The following PLCL1 variants were observed in gnomAD, a reference collection of about 807,000 sequenced individuals.
PLCL1 encodes inactive phospholipase C-like protein 1.
Under a neutral mutation model 84.4 loss-of-function variants are expected in PLCL1, and 41 were observed. That is an observed-to-expected ratio of 0.49 (90% confidence interval 0.38 to 0.63). PLCL1 has a LOEUF of 0.63. Among genes scored for constraint, PLCL1 ranks in the 30% least tolerant of loss-of-function variants. The pLI, the probability that PLCL1 is intolerant of heterozygous loss-of-function variation, is 0.00. For synonymous variants in PLCL1, 490 were observed against 488.3 expected (o/e 1.00, Z -0.05); for missense variants, 1,206 against 1,367.8 (o/e 0.88, Z 1.87).
At chr2:198,031,027 A>G (rs1691402579) in intron 1 of PLCL1, among the ~76,000 whole-genome samples, 1 of 152,142 alleles carries the variant, frequency 6.6e-6, no homozygotes, top group Admixed American at 6.6e-5. Flanking sequence ...ACATATTTAA[A>G]CAAAATGCCA....
At chr2:197,994,583 C>T (rs1001612143) in intron 1 of PLCL1, among the ~76,000 whole-genome samples, 2 of 152,152 alleles carry the variant, frequency 1.3e-5, no homozygotes, top group Non-Finnish European at 2.9e-5. Context: ...TCATGAATTC[C>T]ATGAAATTTA....
At position 198,146,886 on chromosome 2, in the gene PLCL1, G is replaced by A; in HGVS notation, c.3212G>A (p.Ser1071Asn). The change falls in exon 6 of 6, where the codon AGT (serine) becomes AAT (asparagine). Residue 1071 changes from serine to asparagine, a missense_variant. Ser to Asn is a conservative substitution (Grantham distance 46). Transcript: ENST00000428675. The stretch of plus-strand genomic sequence containing the variant: ...GGACTGAGTAAAGCCCCCAGCAGCA[G>A]TGCTGAGGCCAAGAGCAAGCGCAGC... ...SCGLSKAPSS[S>N]AEAKSKRSLE... 1.2e-6 allele frequency: 2 copies of A among 1,613,482 alleles called. No individual in the cohort carries two copies. The highest frequency in any genetic ancestry group is 2.2e-5 in the South Asian group (2 of 91,028).
chr2:197,975,898 C>A (rs574248096), intron 1 of PLCL1, among the ~76,000 whole-genome samples: 2 of 152,156 alleles, frequency 1.3e-5, no homozygotes, highest in Non-Finnish European at 2.9e-5. Context: ...CCGCCTCTTA[C>A]GCCTCTGGTT....
At chr2:197,892,414 T>C (rs751732907) in intron 1 of PLCL1, among the ~76,000 whole-genome samples, 4 of 152,190 alleles carry the variant, frequency 2.6e-5, no homozygotes, top group Non-Finnish European at 5.9e-5. Context: ...TGTGTTTTCA[T>C]CTCAGCATGC....
intron 1 of PLCL1, among the ~76,000 whole-genome samples, chr2:197,990,019 G>C (rs954922739): frequency 7.9e-5 from 12 of 152,174 alleles, no homozygotes; most frequent in African/African-American, 2.7e-4. Context: ...AGTCTGGAAT[G>C]TTATTTAATT....
At chr2:197,983,205 T>TTTTTTTC in intron 1 of PLCL1, among the ~76,000 whole-genome samples, 1 of 11,382 alleles carries the variant, frequency 8.8e-5, no homozygotes, top group African/African-American at 5.1e-4. Flanking sequence ...CTTTTCTTTT[T>TTTTTTTC]TTTTTTTTTT....
intron 5 of PLCL1, among the ~76,000 whole-genome samples, chr2:198,107,232 A>G (rs1386822581): frequency 6.6e-6 from 1 of 151,876 alleles, no homozygotes; most frequent in Non-Finnish European, 1.5e-5. Flanking sequence ...GAACTCACTC[A>G]CTATTATGAA....
Position 198,085,030 on chromosome 2 carries a change from C to A in PLCL1, c.1513C>A (p.Gln505Lys). ...CSLPQQKVMA[Q>K]QMKKVFGNKL... ...CTTGCCGCAGCAGAAGGTAATGGCT[C>A]AACAGATGAAAAAGGTCTTTGGCAA... The change falls in exon 2 of 6, where the codon CAA becomes AAA. Residue 505 changes from glutamine (Q) to lysine (K), a missense_variant. Gln to Lys is a moderately conservative substitution (Grantham distance 53, BLOSUM62 1). Coordinates refer to ENST00000428675, the MANE Select transcript of PLCL1 (RefSeq NM_006226.4). The surrounding 1 kb of genome is among the most constrained non-coding windows in gnomAD (Gnocchi z 5.3). 6.2e-7 allele frequency: 1 copy of A among 1,613,922 alleles called. No individual in the cohort carries two copies. Among genetic ancestry groups the A allele is most frequent in the Non-Finnish European group, 8.5e-7 (1 of 1,179,944 alleles).
chr2:197,954,803 C>A (rs140640700), intron 1 of PLCL1, among the ~76,000 whole-genome samples: 2 of 151,910 alleles, frequency 1.3e-5, no homozygotes, highest in Non-Finnish European at 2.9e-5. Flanking sequence ...TAGGAAAGAA[C>A]CTCTGACAGA....
At position 198,148,035 on chromosome 2, in the gene PLCL1, A is replaced by G. The variant is rs919911865; in HGVS notation, c.*1073A>G. 6.6e-6 allele frequency: 1 copy of G among 152,332 alleles called. No homozygotes were observed. The highest frequency in any genetic ancestry group is 2.4e-5 in the African/African-American group (1 of 41,464). The allele number at this position is 152,332 out of a possible 1,614,324, so 9.4% of individuals were successfully genotyped here. ...ACCAGTTACCACACATCTATGATATAACCCTAACACACACAGAAAAGCATA... is the reference window on the plus strand; with the variant it reads ...ACCAGTTACCACACATCTATGATATGACCCTAACACACACAGAAAAGCATA... On this transcript the variant is annotated 3_prime_UTR_variant, in exon 6 of 6. Transcript: ENST00000428675.
intron 1 of PLCL1, among the ~76,000 whole-genome samples, chr2:198,026,579 G>A (rs1378462263): frequency 6.6e-6 from 1 of 152,098 alleles, no homozygotes; most frequent in Non-Finnish European, 1.5e-5. Flanking sequence ...AGACTTAAAG[G>A]AAGAAAAAGT....
chr2:198,114,455 C>A (rs1037187841), intron 5 of PLCL1, among the ~76,000 whole-genome samples: 2 of 151,774 alleles, frequency 1.3e-5, no homozygotes, highest in Admixed American at 1.3e-4. Flanking sequence ...GAGGACTTGG[C>A]TCCAACTTGT....
intron 2 of PLCL1, among the ~76,000 whole-genome samples, chr2:198,087,245 T>C (rs1692908527): frequency 6.6e-6 from 1 of 152,166 alleles, no homozygotes; most frequent in Admixed American, 6.5e-5. Context: ...CGCAAAATTA[T>C]TATTAGAGTA....
At chr2:198,019,203 C>T (rs777050157) in intron 1 of PLCL1, among the ~76,000 whole-genome samples, 7 of 152,228 alleles carry the variant, frequency 4.6e-5, no homozygotes, top group Non-Finnish European at 7.4e-5. Context: ...ACAAAAAGGA[C>T]GACCATGCAA....
At chr2:198,052,774 G>C (rs190573248) in intron 1 of PLCL1, among the ~76,000 whole-genome samples, 1 of 152,124 alleles carries the variant, frequency 6.6e-6, no homozygotes, top group Non-Finnish European at 1.5e-5. Context: ...TGCTGATTCT[G>C]GGCCTTGGAC....
intron 1 of PLCL1, among the ~76,000 whole-genome samples, chr2:197,869,346 C>T (rs1406352171): frequency 6.6e-6 from 1 of 152,098 alleles, no homozygotes; most frequent in African/African-American, 2.4e-5. Context: ...ATAACCTCCT[C>T]TGACTCCCCT....
chr2:198,043,778 G>A (rs1559084157), intron 1 of PLCL1, among the ~76,000 whole-genome samples: 3 of 151,924 alleles, frequency 2.0e-5, no homozygotes, highest in East Asian at 1.9e-4. Flanking sequence ...CTTGAGCAGA[G>A]TAAGTCCAAA....
chr2:197,824,876 G>A (rs1252360215), intron 1 of PLCL1, among the ~76,000 whole-genome samples: 1 of 152,100 alleles, frequency 6.6e-6, no homozygotes, highest in Non-Finnish European at 1.5e-5. Context: ...AAAGGCAGGG[G>A]CCTTAAATAA....
intron 1 of PLCL1, among the ~76,000 whole-genome samples, chr2:197,814,951 A>G (rs967351977): frequency 1.3e-5 from 2 of 152,174 alleles, no homozygotes; most frequent in Non-Finnish European, 2.9e-5. Flanking sequence ...AGGTTGGTTT[A>G]TGAGGTTTAA....
Sources: allele counts gnomAD v4.1 joint callset (sites outside exome capture counted in the v4.1 genomes callset), GRCh38; gene constraint gnomAD v4.1.1; non-coding constraint Gnocchi (gnomAD v3.1); transcripts MANE v1.5; gene names NCBI Gene and HGNC (gene_info 2026-07-23, HGNC 2026-07-21).